Variants in PCDHAC2 observed in about 807,000 individuals in gnomAD.
PCDHAC2 encodes protocadherin alpha-C2.
PCDHAC2 carries 24 observed loss-of-function variants against 63.3 expected under a neutral mutation model. The ratio of observed to expected loss-of-function variants is 0.38; its 90% CI spans 0.27 to 0.53. The LOEUF (loss-of-function observed/expected upper bound fraction) is 0.53. PCDHAC2 is among the 20% of genes least tolerant of loss of function. The pLI, the probability that PCDHAC2 is intolerant of heterozygous loss-of-function variation, is 0.81. For synonymous variants in PCDHAC2, 569 were observed against 529.4 expected, an observed-to-expected ratio of 1.07 and a Z score of -1.03; for missense variants, 1,181 against 1,275.2, an observed-to-expected ratio of 0.93 and a Z score of 1.12.
intron 3 of PCDHAC2, among the ~76,000 whole-genome samples, chr5:141,000,421 ATTTTTTT>A (rs34755515): frequency 5.7e-4 from 16 of 27,976 alleles, no homozygotes; most frequent in Non-Finnish European, 7.4e-4. Flanking sequence ...ATATATATAT[ATTTTTTT>A]TTTTTTTTTT....
intron 3 of PCDHAC2, among the ~76,000 whole-genome samples, chr5:140,997,321 T>C (rs964967011): frequency 1.3e-5 from 2 of 152,174 alleles, no homozygotes; most frequent in Non-Finnish European, 2.9e-5. Flanking sequence ...CTTTAGGCAG[T>C]TTTTTCGTTG....
intron 2 of PCDHAC2, 125 bp downstream of exon 2, chr5:140,979,132 A>T: frequency 4.8e-6 from 7 of 1,471,500 alleles, no homozygotes; most frequent in Non-Finnish European, 6.3e-6. Context: ...TGCCAGGAAA[A>T]TGCAATTATT....
chr5:141,004,715 G>T (rs989871938), intron 3 of PCDHAC2, among the ~76,000 whole-genome samples: 2 of 152,162 alleles, frequency 1.3e-5, no homozygotes, highest in African/African-American at 2.4e-5. Flanking sequence ...CGAATCAGAG[G>T]TTTTTAAATA....
At chr5:140,989,724 T>C (rs1251385686) in intron 3 of PCDHAC2, among the ~76,000 whole-genome samples, 6 of 152,178 alleles carry the variant, frequency 3.9e-5, no homozygotes, top group African/African-American at 1.4e-4. Context: ...AGCTTTGCAG[T>C]TGAAAAGGCC....
At position 140,968,051 on chromosome 5, in the gene PCDHAC2, C is replaced by A. The variant is rs1353005851; in HGVS notation, c.1285C>A (p.Arg429=). Residue 429 remains arginine, a synonymous_variant, in exon 1 of 4, where the codon CGA becomes AGA. Transcript: ENST00000289269. The part of the protein sequence containing the change: ...YTLVVSGPLD[R]ERVAVYNITV... ...ACTGGTGGTGAGCGGCCCACTGGACCGAGAGCGGGTGGCTGTCTACAACAT... is the reference window on the plus strand; with the variant it reads ...ACTGGTGGTGAGCGGCCCACTGGACAGAGAGCGGGTGGCTGTCTACAACAT... The A allele has an allele frequency of 1.9e-6, 3 of 1,614,018 alleles. No homozygotes were observed. The Admixed American group carries it at 5.0e-5, about 27-fold the overall frequency.
chr5:140,994,772 G>C (rs2097648880), intron 3 of PCDHAC2, among the ~76,000 whole-genome samples: 2 of 152,118 alleles, frequency 1.3e-5, no homozygotes, highest in Non-Finnish European at 1.5e-5. Context: ...GAGAATTCCA[G>C]GCAAAGGAAA....
chr5:140,996,412 A>G (rs563756317), intron 3 of PCDHAC2, among the ~76,000 whole-genome samples: 1 of 152,332 alleles, frequency 6.6e-6, no homozygotes, highest in Admixed American at 6.5e-5. Context: ...TGGGGCAGGC[A>G]GTGTGAAAAC....
At chr5:140,993,668 A>G (rs551356894) in intron 3 of PCDHAC2, among the ~76,000 whole-genome samples, 167 of 152,322 alleles carry the variant, frequency 1.1e-3, no homozygotes, top group African/African-American at 3.4e-3. Context: ...ACAATGGACC[A>G]CATATGTGAC....
chr5:140,997,046 T>C (rs2097756944), intron 3 of PCDHAC2, among the ~76,000 whole-genome samples: 1 of 152,176 alleles, frequency 6.6e-6, no homozygotes, highest in Admixed American at 6.5e-5. Flanking sequence ...AACTTTACTT[T>C]TTAGAGCAGT....
At chr5:140,999,858 C>G (rs1563644401) in intron 3 of PCDHAC2, among the ~76,000 whole-genome samples, 3 of 152,170 alleles carry the variant, frequency 2.0e-5, no homozygotes. Context: ...CTCTTCCGCT[C>G]CAAGATTACT....
At position 140,982,572 on chromosome 5, in the gene PCDHAC2, C is replaced by G. The variant is rs782271002; in HGVS notation, c.2713+9C>G. 1 of 1,613,760 alleles carries G rather than the reference C, an allele frequency of 6.2e-7. No homozygotes were observed. Among genetic ancestry groups the G allele is most frequent in the Non-Finnish European group, 8.5e-7 (1 of 1,179,726 alleles). On this transcript the variant is annotated intron_variant, in intron 3 of 3. Transcript: ENST00000289269. ...ATCCAGTGCAACACCAGGTAAAGAGCTGGGGTCTCTCCATTCTTTCTTGGT... is the reference window on the plus strand; with the variant it reads ...ATCCAGTGCAACACCAGGTAAAGAGGTGGGGTCTCTCCATTCTTTCTTGGT...
intron 3 of PCDHAC2, among the ~76,000 whole-genome samples, chr5:140,997,328 G>A (rs76646758): frequency 0.013 from 1,948 of 152,070 alleles, 47 homozygotes; most frequent in African/African-American, 0.045. Flanking sequence ...CAGTTTTTTC[G>A]TTGTACAAAT....
intron 2 of PCDHAC2, 123 bp from the exon 3 acceptor site, chr5:140,982,352 G>A (rs1554244046): frequency 4.0e-6 from 6 of 1,507,640 alleles, no homozygotes; most frequent in Non-Finnish European, 5.3e-6. Context: ...TTCAGTTCAA[G>A]CATGAGCAGA....
At chr5:140,970,464 G>T (rs2096408291) in intron 1 of PCDHAC2, among the ~76,000 whole-genome samples, 1 of 152,154 alleles carries the variant, frequency 6.6e-6, no homozygotes, top group African/African-American at 2.4e-5. Flanking sequence ...ATTTAAGTAG[G>T]TATAAGGCCA....
At position 140,966,707 on chromosome 5, in the gene PCDHAC2, A is replaced by G. The variant is rs539562297; in HGVS notation, c.-60A>G. 1 of 1,379,868 alleles carries G rather than the reference A, an allele frequency of 7.2e-7. No homozygotes were observed. Among genetic ancestry groups the G allele is most frequent in the Admixed American group, 3.5e-5 (1 of 28,480 alleles). The allele number at this position is 1,379,868 out of a possible 1,614,324, so 85.5% of individuals were successfully genotyped here. On this transcript the variant is annotated 5_prime_UTR_variant, in exon 1 of 4. Transcript: ENST00000289269. ...CGGAGGCGGGGCCCGGGCGTGGGGC[A>G]CGGCTGGGGAAGCTGCCGCCTCCGG... is the stretch of plus-strand genomic sequence containing the variant.
In PCDHAC2 at chr5:140,967,691, A is replaced by G. The variant is rs1586235214; in HGVS notation, c.925A>G (p.Ser309Gly). ...GTCGGACCGGGAGAGGCAGCTCTTCAGCATAGATGCCAGTACCGGGGAAGT... is the reference window on the plus strand; with the variant it reads ...GTCGGACCGGGAGAGGCAGCTCTTCGGCATAGATGCCAGTACCGGGGAAGT... ...YTSDRERQLF[S>G]IDASTGEVRV... Residue 309 changes from serine (S) to glycine (G), a missense_variant, in exon 1 of 4, where the codon AGC (serine) becomes GGC (glycine). This residue lies in a region of PCDHAC2 where 968 missense variants were observed against 1,073.5 expected (regional missense o/e 0.90). Coordinates refer to ENST00000289269, the MANE Select transcript of PCDHAC2 (RefSeq NM_018899.6). The G allele has an allele frequency of 6.2e-7, 1 of 1,614,162 alleles. No homozygotes were observed. Among genetic ancestry groups the G allele is most frequent in the East Asian group, 2.2e-5 (1 of 44,878 alleles).
chr5:140,969,131 A>G lies in PCDHAC2; in HGVS notation c.2365A>G (p.Lys789Glu). 1 of 1,614,138 alleles carries G rather than the reference A, an allele frequency of 6.2e-7. No individual in the cohort carries two copies. The highest frequency in any genetic ancestry group is 1.1e-5 in the South Asian group (1 of 91,076). The change falls in exon 1 of 4, where the codon AAG becomes GAG. Residue 789 changes from lysine (K) to glutamate (E), a missense_variant. Coordinates refer to ENST00000289269, the MANE Select transcript of PCDHAC2 (RefSeq NM_018899.6). ...AGTTCGAGGGAATGGCTCCCTCACC[A>G]AGACCTACTGCTACAAGGCCTGTCT... ...IEVRGNGSLTKTYCYKACLTA... is the reference protein window; with the variant it reads ...IEVRGNGSLTETYCYKACLTA...
At chr5:140,980,615 C>T (rs1182621837) in intron 2 of PCDHAC2, among the ~76,000 whole-genome samples, 4 of 151,596 alleles carry the variant, frequency 2.6e-5, no homozygotes, top group Admixed American at 6.6e-5. Flanking sequence ...GGCGACAGTG[C>T]GAGACTCTGT....
At chr5:141,005,572 C>G (rs548748234) in intron 3 of PCDHAC2, among the ~76,000 whole-genome samples, 59 of 150,976 alleles carry the variant, frequency 3.9e-4, no homozygotes, top group Non-Finnish European at 7.7e-4. Context: ...CATGGTGGCG[C>G]GTGCCTGTAG....
Sources: gnomAD v4.1 joint callset for allele counts (sites outside exome capture counted in the v4.1 genomes callset) on GRCh38, gnomAD v4.1.1 for gene constraint, gnomAD v4.1.1 regional missense constraint, MANE v1.5 for transcripts, NCBI Gene and HGNC (gene_info 2026-07-23, HGNC 2026-07-21) for gene names.